DLG2: variants seen among roughly 807,000 people sequenced by gnomAD.
DLG2 encodes discs large MAGUK scaffold protein 2.
DLG2 carries 45 observed loss-of-function variants against 132.5 expected under a neutral mutation model. The observed-to-expected ratio is 0.34, with a 90% CI of 0.27 to 0.44. The LOEUF (loss-of-function observed/expected upper bound fraction) is 0.44, where lower values mean the gene tolerates loss of function less well. DLG2 is among the 20% of genes least tolerant of loss of function. The pLI, the probability that DLG2 is intolerant of heterozygous loss-of-function variation, is 1.00. For synonymous variants in DLG2, 424 were observed against 419.6 expected (o/e 1.01, Z -0.13); for missense variants, 1,045 against 1,196.9 (o/e 0.87, Z 1.87).
chr11:83,963,159 G>A, intron 13 of DLG2, 136 bp from the exon 14 acceptor site: 1 of 866,088 alleles, frequency 1.2e-6, no homozygotes, highest in Non-Finnish European at 1.8e-6. Flanking sequence ...TCCCAGAGGG[G>A]GGAGTTGCAG....
chr11:85,200,361 C>G (rs1253420425), intron 4 of DLG2, among the ~76,000 whole-genome samples: 1 of 152,190 alleles, frequency 6.6e-6, no homozygotes, highest in African/African-American at 2.4e-5. Flanking sequence ...TAAGAGTTAT[C>G]CAGTGGCTCA....
At chr11:83,668,695 GTATATAAACACATATATATGTGTATA>G (rs2076181201) in intron 18 of DLG2, among the ~76,000 whole-genome samples, 1 of 15,484 alleles carries the variant, frequency 6.5e-5, no homozygotes, top group East Asian at 3.1e-3. Context: ...ATATATATGT[GTATATAAACACATATATATGTGTATA>G]TAAACACATA....
chr11:84,147,330 T>G (rs1349966308), intron 9 of DLG2, among the ~76,000 whole-genome samples: 1 of 152,114 alleles, frequency 6.6e-6, no homozygotes, highest in Admixed American at 6.6e-5. Context: ...ATCACGGGGT[T>G]GGAAAGAGGA....
chr11:83,869,550 G>A (rs1161864098), intron 16 of DLG2, among the ~76,000 whole-genome samples: 2 of 152,178 alleles, frequency 1.3e-5, no homozygotes, highest in East Asian at 1.9e-4. Flanking sequence ...AGTTAGGCCT[G>A]CCCTGGTGAG....
intron 6 of DLG2, among the ~76,000 whole-genome samples, chr11:85,081,147 C>T (rs2154171717): frequency 6.6e-6 from 1 of 151,904 alleles, no homozygotes; most frequent in South Asian, 2.1e-4. Flanking sequence ...AAATAAAGAC[C>T]CTCTGCAGTG....
intron 3 of DLG2, among the ~76,000 whole-genome samples, chr11:85,478,729 C>T (rs915263576): frequency 2.6e-5 from 4 of 152,112 alleles, no homozygotes; most frequent in South Asian, 2.1e-4. Context: ...GGTGGTTCTA[C>T]CTCTCTCTTT....
intron 6 of DLG2, among the ~76,000 whole-genome samples, chr11:84,654,433 T>G (rs962035843): frequency 6.6e-6 from 1 of 152,312 alleles, no homozygotes; most frequent in South Asian, 2.1e-4. Context: ...ATTTTTCACC[T>G]GCTAACTATG....
intron 11 of DLG2, among the ~76,000 whole-genome samples, chr11:84,006,147 T>C (rs924938248): frequency 6.6e-6 from 1 of 151,810 alleles, no homozygotes; most frequent in Non-Finnish European, 1.5e-5. Context: ...TATTTGGCTG[T>C]AGAAAAAAAT....
chr11:83,562,294 C>T (rs2096625359), intron 19 of DLG2, among the ~76,000 whole-genome samples: 1 of 152,128 alleles, frequency 6.6e-6, no homozygotes, highest in Non-Finnish European at 1.5e-5. Flanking sequence ...TTAGAATCAA[C>T]ACAAGCTTTA....
chr11:84,418,960 T>C (rs969507918), intron 7 of DLG2, among the ~76,000 whole-genome samples: 2 of 152,206 alleles, frequency 1.3e-5, no homozygotes, highest in African/African-American at 2.4e-5. Context: ...AAACTTTTGG[T>C]TTGACTTGGA....
At chr11:85,165,052 A>C (rs1458070605) in intron 4 of DLG2, among the ~76,000 whole-genome samples, 1 of 152,186 alleles carries the variant, frequency 6.6e-6, no homozygotes, top group Non-Finnish European at 1.5e-5. Flanking sequence ...GACACATGCT[A>C]GTTTGAAAAC....
chr11:84,502,267 CTTCCTTCCTTCCTTCTTTCT>C (rs2099215246), intron 7 of DLG2, among the ~76,000 whole-genome samples: 1 of 24,378 alleles, frequency 4.1e-5, no homozygotes, highest in Non-Finnish European at 6.8e-5. Flanking sequence ...TCCTTCCTTC[CTTCCTTCCTTCCTTCTTTCT>C]TTCTTTCTTT....
intron 17 of DLG2, among the ~76,000 whole-genome samples, chr11:83,828,521 A>C (rs1035300037): frequency 6.6e-6 from 1 of 152,232 alleles, no homozygotes; most frequent in East Asian, 1.9e-4. Flanking sequence ...GGAGATTTCC[A>C]ATGGACACAG....
At position 85,475,792 on chromosome 11, in the gene DLG2, C is replaced by T. The variant is rs191652118; in HGVS notation, c.40+122865G>A. Among the ~76,000 whole-genome samples, 267 of 152,156 alleles carry T rather than the reference C, an allele frequency of 1.8e-3. 1 individual carries two copies. Among genetic ancestry groups the T allele is most frequent in the African/African-American group, 6.2e-3 (259 of 41,538 alleles). On this transcript the variant is annotated intron_variant, in intron 3 of 27. Coordinates refer to ENST00000376104, the MANE Select transcript of DLG2 (RefSeq NM_001142699.3). ...ATAACAAAGCTGTGGCAGAGAGAAG[C>T]TCAATGTCATCCAGCTTACTAGTGG...
intron 4 of DLG2, among the ~76,000 whole-genome samples, chr11:85,216,255 A>T (rs112531733): frequency 0.028 from 4,234 of 152,310 alleles, 86 homozygotes; most frequent in Non-Finnish European, 0.041. Flanking sequence ...GGATCATACA[A>T]ATAGCCAGTC....
intron 3 of DLG2, among the ~76,000 whole-genome samples, chr11:85,408,391 T>C (rs992702731): frequency 6.7e-6 from 1 of 149,832 alleles, no homozygotes; most frequent in East Asian, 1.9e-4. Flanking sequence ...TACTATTATT[T>C]TTATTATTAT....
chr11:85,180,735 C>T (rs1349140133), intron 4 of DLG2, among the ~76,000 whole-genome samples: 1 of 151,804 alleles, frequency 6.6e-6, no homozygotes, highest in Non-Finnish European at 1.5e-5. Context: ...TTGCCACCTA[C>T]AGACTAAATC....
chr11:84,921,132 A>C (rs1208155408), intron 6 of DLG2, among the ~76,000 whole-genome samples: 1 of 152,190 alleles, frequency 6.6e-6, no homozygotes, highest in East Asian at 1.9e-4. Flanking sequence ...TAAAAATATT[A>C]GATGAAACTT....
At chr11:83,821,306 T>G (rs550738127) in intron 17 of DLG2, among the ~76,000 whole-genome samples, 5 of 152,334 alleles carry the variant, frequency 3.3e-5, no homozygotes, top group Admixed American at 3.3e-4. Flanking sequence ...TCTCCACTTA[T>G]GTCAGCTGTT....
Sources: gnomAD v4.1 joint callset for allele counts (sites outside exome capture counted in the v4.1 genomes callset) on GRCh38, gnomAD v4.1.1 for gene constraint, MANE v1.5 for transcripts, NCBI Gene and HGNC (gene_info 2026-07-23, HGNC 2026-07-21) for gene names.